Variants in RSRC2 observed in about 807,000 individuals in gnomAD.
RSRC2 encodes arginine and serine rich coiled-coil 2.
RSRC2 carries 5 observed loss-of-function variants against 61.3 expected under a neutral mutation model. The observed-to-expected ratio is 0.08, with a 90% CI of 0.04 to 0.17. The LOEUF (loss-of-function observed/expected upper bound fraction) is 0.17, where lower values mean the gene tolerates loss of function less well. Ranked by LOEUF, RSRC2 falls within the 10% of genes least tolerant of loss-of-function variation. The probability of loss-of-function intolerance (pLI) is 1.00; values close to 1 mark genes in which losing one functional copy is unlikely to be tolerated. For missense variants in RSRC2, 381 were observed against 518.8 expected (o/e 0.73, Z 2.58); for synonymous variants, 202 against 166.5 (o/e 1.21, Z -1.64).
chr12:122,519,457 CTAAATA>C lies in RSRC2; in HGVS notation c.208-434_208-429del, dbSNP rs1191781115. ...CCAGAAACGCATTTCAATTAGGTAG[CTAAATA>C]TAATTATTACTAAGTACTAATATTT... On this transcript the variant is annotated intron_variant, in intron 3 of 9. Coordinates refer to ENST00000331738, the MANE Select transcript of RSRC2 (RefSeq NM_023012.6). 4 of 161,174 alleles carry C rather than the reference CTAAATA, an allele frequency of 2.5e-5. No homozygotes were observed. The East Asian group carries it at 5.3e-4, about 22-fold the overall frequency. The allele number at this position is 161,174 out of a possible 1,614,324, so 10.0% of individuals were successfully genotyped here.
In RSRC2 at chr12:122,508,200, C is replaced by T; in HGVS notation, c.1035+18G>A. On this transcript the variant is annotated intron_variant, in intron 8 of 9. Coordinates refer to ENST00000331738, the MANE Select transcript of RSRC2 (RefSeq NM_023012.6). Reference sequence around the variant, plus strand: ...TAATTAGGAATAAACGACAGAAAAGCAGAATAAGAGAACTTACCCCTTCTT... The same window carrying T: ...TAATTAGGAATAAACGACAGAAAAGTAGAATAAGAGAACTTACCCCTTCTT... 1 of 1,595,464 alleles carries T rather than the reference C, an allele frequency of 6.3e-7. No individual in the cohort carries two copies. The highest frequency in any genetic ancestry group is 8.6e-7 in the Non-Finnish European group (1 of 1,163,030).
intron 7 of RSRC2, among the ~76,000 whole-genome samples, chr12:122,509,288 A>G (rs1280114014): frequency 6.6e-6 from 1 of 151,770 alleles, no homozygotes; most frequent in Admixed American, 6.6e-5. Context: ...CTCAAATAAA[A>G]ACTACAAAAA....
chr12:122,519,036 TAAG>T lies in RSRC2; in HGVS notation c.208-10_208-8del. ...TGGATTCATGTCTTCTTCCCTGTTT[TAAG>T]AAGAAGTTGGTTCTTTCAGGAAAAT... On this transcript the variant is annotated splice_region_variant and splice_polypyrimidine_tract_variant and intron_variant, in intron 3 of 9. Coordinates refer to ENST00000331738, the MANE Select transcript of RSRC2 (RefSeq NM_023012.6). The T allele has an allele frequency of 1.9e-6, 3 of 1,611,706 alleles. No homozygotes were observed. The highest frequency in any genetic ancestry group is 2.5e-6 in the Non-Finnish European group (3 of 1,179,088).
chr12:122,524,497 G>C (rs967121970), intron 1 of RSRC2, among the ~76,000 whole-genome samples: 2 of 152,288 alleles, frequency 1.3e-5, no homozygotes, highest in Non-Finnish European at 2.9e-5. Context: ...CTAGTGCTTA[G>C]CCTAGGCAGT....
chr12:122,515,361 A>G, intron 5 of RSRC2, 134 bp from the exon 6 acceptor site: 1 of 844,366 alleles, frequency 1.2e-6, no homozygotes, highest in Non-Finnish European at 1.8e-6. Context: ...GATTTAAAAC[A>G]TCAGTGTTAC....
chr12:122,526,775 T>C, intron 1 of RSRC2, 73 bp downstream of exon 1: 1 of 1,559,530 alleles, frequency 6.4e-7, no homozygotes, highest in Non-Finnish European at 8.8e-7. Flanking sequence ...AACAAGGTTC[T>C]GGGAGCCGTT....
intron 4 of RSRC2, among the ~76,000 whole-genome samples, chr12:122,518,592 C>CA (rs11417312): frequency 0.74 from 106,227 of 144,246 alleles, 38,886 homozygotes; most frequent in East Asian, 0.84. Flanking sequence ...GACTCCGTGT[C>CA]AAAAAAAAAA....
At chr12:122,509,440 C>A (rs1452489532) in intron 7 of RSRC2, among the ~76,000 whole-genome samples, 4 of 150,790 alleles carry the variant, frequency 2.7e-5, no homozygotes, top group Non-Finnish European at 5.9e-5. Context: ...ACAGTATGAG[C>A]CTCCGTCTCA....
chr12:122,514,266 G>GT (rs140608487), intron 6 of RSRC2, among the ~76,000 whole-genome samples: 47,435 of 136,118 alleles, frequency 0.35, 10,163 homozygotes, highest in Non-Finnish European at 0.46. Flanking sequence ...GTGTGTGTGT[G>GT]TGTGTTTTTT....
chr12:122,513,260 TAAAA>T (rs925280985), intron 6 of RSRC2, among the ~76,000 whole-genome samples: 1 of 146,878 alleles, frequency 6.8e-6, no homozygotes, highest in Non-Finnish European at 1.5e-5. Context: ...AAAATAAAAA[TAAAA>T]AATAAAAAAA....
intron 2 of RSRC2, 35 bp downstream of exon 2, chr12:122,522,108 T>C (rs1362112208): frequency 1.9e-6 from 3 of 1,582,476 alleles, no homozygotes; most frequent in Non-Finnish European, 2.6e-6. Context: ...CTTATACAAA[T>C]GCTGAGAGTT....
intron 1 of RSRC2, among the ~76,000 whole-genome samples, chr12:122,522,608 G>A (rs1343524085): frequency 1.3e-5 from 2 of 152,160 alleles, no homozygotes; most frequent in African/African-American, 4.8e-5. Flanking sequence ...GTTCTAATAA[G>A]CATTCAAGCA....
At chr12:122,512,297 G>C (rs535894287) in intron 6 of RSRC2, among the ~76,000 whole-genome samples, 253 of 152,310 alleles carry the variant, frequency 1.7e-3, no homozygotes, top group African/African-American at 5.1e-3. Context: ...AGGATTCCCT[G>C]ATTTATCAAT....
chr12:122,520,773 T>C (rs1959187788), intron 3 of RSRC2: 2 of 348,236 alleles, frequency 5.7e-6, no homozygotes, highest in Admixed American at 4.0e-5. Context: ...CTACTACTTC[T>C]ACACTTCCTT....
chr12:122,516,317 T>C (rs1344776280), intron 5 of RSRC2, among the ~76,000 whole-genome samples: 1 of 152,210 alleles, frequency 6.6e-6, no homozygotes, highest in Non-Finnish European at 1.5e-5. Flanking sequence ...CTGTGCTCTT[T>C]ATTGTACACC....
At chr12:122,518,404 C>T (rs1243106451) in intron 4 of RSRC2, among the ~76,000 whole-genome samples, 2 of 152,006 alleles carry the variant, frequency 1.3e-5, no homozygotes, top group East Asian at 3.9e-4. Context: ...ACCAGCCTGG[C>T]CAACATGGCG....
At chr12:122,515,661 G>T (rs1022748797) in intron 5 of RSRC2, among the ~76,000 whole-genome samples, 3 of 152,142 alleles carry the variant, frequency 2.0e-5, no homozygotes, top group African/African-American at 4.8e-5. Context: ...TGAATTTGTA[G>T]ATGTTTTTCA....
chr12:122,516,699 A>T (rs1424273563), intron 5 of RSRC2, among the ~76,000 whole-genome samples: 1 of 152,038 alleles, frequency 6.6e-6, no homozygotes, highest in African/African-American at 2.4e-5. Context: ...AACACAACTG[A>T]ATTTGTTTGT....
At chr12:122,524,493 C>T (rs1410388443) in intron 1 of RSRC2, among the ~76,000 whole-genome samples, 1 of 152,216 alleles carries the variant, frequency 6.6e-6, no homozygotes, top group African/African-American at 2.4e-5. Flanking sequence ...AAATCTAGTG[C>T]TTAGCCTAGG....
Sources: allele counts gnomAD v4.1 joint callset (sites outside exome capture counted in the v4.1 genomes callset), GRCh38; gene constraint gnomAD v4.1.1; transcripts MANE v1.5; gene names NCBI Gene and HGNC (gene_info 2026-07-23, HGNC 2026-07-21).